The following RIBC2 variants were observed in gnomAD, a reference collection of about 807,000 sequenced individuals.
RIBC2 encodes the protein RIB43A-like with coiled-coils protein 2.
Under a neutral mutation model 44.3 loss-of-function variants are expected in RIBC2, and 40 were observed. That is an observed-to-expected ratio of 0.90 (90% CI 0.70 to 1.18). RIBC2 has a LOEUF of 1.18. Among genes scored for constraint, RIBC2 ranks in the 50% most tolerant of loss-of-function variants. The probability of loss-of-function intolerance (pLI) is 0.00; values close to 1 mark genes in which losing one functional copy is unlikely to be tolerated. For synonymous variants in RIBC2, 171 were observed against 175.0 expected (o/e 0.98, Z 0.18); for missense variants, 459 against 485.5 (o/e 0.95, Z 0.51).
At chr22:45,415,504 G>A (rs910880573) in intron 2 of RIBC2, among the ~76,000 whole-genome samples, 13 of 151,638 alleles carry the variant, frequency 8.6e-5, no homozygotes, top group Non-Finnish European at 2.9e-5. Flanking sequence ...CAATGTGACA[G>A]GTACATATGT....
In RIBC2 at chr22:45,426,037, C is replaced by T. The variant is rs142579982; in HGVS notation, c.765C>T (p.Asp255=). 5.1e-3 allele frequency: 8,257 copies of T among 1,614,012 alleles called. 31 individuals carry two copies. The highest frequency in any genetic ancestry group is 7.4e-3 in the Middle Eastern group (45 of 6,062). ...AGATCACCAACCTCCTGCGTGGGGACCTGCTCTCCGAGAACCCGCAGCAGG... is the reference window on the plus strand; with the variant it reads ...AGATCACCAACCTCCTGCGTGGGGATCTGCTCTCCGAGAACCCGCAGCAGG... ...LAEITNLLRG[D]LLSENPQQAA... The change falls in exon 5 of 7, where the codon GAC becomes GAT. Residue 255 remains aspartate (D), a synonymous_variant. Transcript: ENST00000614167.
At chr22:45,421,592 A>G (rs62226843) in intron 3 of RIBC2, among the ~76,000 whole-genome samples, 4,190 of 34,896 alleles carry the variant, frequency 0.12, 216 homozygotes, top group African/African-American at 0.42. Context: ...AATAATAATA[A>G]TAGTATTATT....
intron 3 of RIBC2, among the ~76,000 whole-genome samples, chr22:45,421,691 G>C (rs1025312502): frequency 6.6e-6 from 1 of 151,578 alleles, no homozygotes; most frequent in Non-Finnish European, 1.5e-5. Context: ...TAATAGTTGA[G>C]GTTAACAGAG....
chr22:45,422,373 G>A lies in RIBC2; in HGVS notation c.640G>A (p.Val214Ile), dbSNP rs766784115. 6.2e-6 allele frequency: 10 copies of A among 1,614,118 alleles called. No individual in the cohort carries two copies. The highest frequency in any genetic ancestry group is 8.5e-6 in the Non-Finnish European group (10 of 1,179,992). Residue 214 changes from valine to isoleucine, a missense_variant, in exon 4 of 7, where the codon GTT becomes ATT. By Grantham distance (29) the Val-to-Ile change is conservative. Transcript: ENST00000614167. Reference protein sequence around the residue: ...QKLESTTRKAVCASVKDFNKS... With the variant: ...QKLESTTRKAICASVKDFNKS... ...GCTGGAAAGCACCACCAGAAAGGCA[G>A]TTTGTGCATCTGTGAAAGACTTCAA...
At chr22:45,414,771 G>T (rs2087403658) in intron 2 of RIBC2, among the ~76,000 whole-genome samples, 1 of 152,080 alleles carries the variant, frequency 6.6e-6, no homozygotes, top group Non-Finnish European at 1.5e-5. Flanking sequence ...TTCGAATGTG[G>T]ATTATAAGAA....
chr22:45,414,098 A>C (rs1193680498), intron 1 of RIBC2, 83 bp downstream of exon 1: 3 of 1,516,278 alleles, frequency 2.0e-6, no homozygotes, highest in Non-Finnish European at 2.7e-6. Context: ...GATGAGTTCT[A>C]GGATGAAACA....
intron 5 of RIBC2, 84 bp from the exon 6 acceptor site, chr22:45,430,816 T>A: frequency 7.0e-7 from 1 of 1,420,976 alleles, no homozygotes; most frequent in Non-Finnish European, 9.3e-7. Context: ...ATCTGTAGAA[T>A]GAGAGGCCAG....
At chr22:45,426,208 A>C in intron 5 of RIBC2, 33 bp downstream of exon 5, 1 of 1,572,740 alleles carries the variant, frequency 6.4e-7, no homozygotes, top group Non-Finnish European at 8.7e-7. Context: ...CAGAGCCCAT[A>C]GAGCCAGGCT....
chr22:45,431,105 G>GGTGGAGGGACCGC, intron 6 of RIBC2, 39 bp downstream of exon 6: 1 of 1,554,178 alleles, frequency 6.4e-7, no homozygotes, highest in Non-Finnish European at 8.7e-7. Context: ...TGGGGGACCG[G>GGTGGAGGGACCGC]GTGGAGGGAC....
intron 4 of RIBC2, among the ~76,000 whole-genome samples, chr22:45,422,722 C>T (rs561727575): frequency 1.3e-5 from 2 of 152,276 alleles, no homozygotes; most frequent in Non-Finnish European, 2.9e-5. Context: ...AGACTGTTAC[C>T]GCCTAGCTCT....
chr22:45,421,970 TG>T (rs1483189824), intron 3 of RIBC2, among the ~76,000 whole-genome samples: 2 of 152,144 alleles, frequency 1.3e-5, no homozygotes, highest in Non-Finnish European at 2.9e-5. Flanking sequence ...CCACTTCTTT[TG>T]TCCTGCAGGT....
chr22:45,419,242 T>C (rs183735998), intron 3 of RIBC2, among the ~76,000 whole-genome samples: 6 of 152,326 alleles, frequency 3.9e-5, no homozygotes, highest in Admixed American at 3.9e-4. Context: ...CTCTTGGATG[T>C]CTAATGCACT....
intron 5 of RIBC2, among the ~76,000 whole-genome samples, chr22:45,426,949 G>A (rs1032746699): frequency 2.0e-5 from 3 of 151,992 alleles, no homozygotes; most frequent in African/African-American, 4.8e-5. Context: ...AGTTAAAGGC[G>A]ACTCTAGGTC....
Position 45,423,704 on chromosome 22 carries a change from G to A in RIBC2, c.675+1296G>A, listed in dbSNP as rs201443883. Among the ~76,000 whole-genome samples, 40 of 152,222 alleles carry A rather than the reference G, an allele frequency of 2.6e-4. No individual in the cohort carries two copies. In the East Asian group the frequency reaches 7.8e-3, roughly 30 times the overall value. ...AGGAATGAGGAGAGCCAACTGCGGG[G>A]GCTGGGGAGGACCAAAAGGCAAAGC... On this transcript the variant is annotated intron_variant, in intron 4 of 6. Transcript: ENST00000614167.
At position 45,413,924 on chromosome 22, in the gene RIBC2, AC is replaced by A; in HGVS notation, c.39del (p.Leu14CysfsTer28). On this transcript the variant is annotated frameshift_variant, in exon 1 of 7. Transcript: ENST00000614167. LOFTEE classifies it high-confidence loss of function. ...ACCATGGCGGTGGCGCTGCCCAGGG[AC>A]TTGCGGCAGGACGCCAACCTGGCAA... Reference protein sequence around the residue: ...SQTMAVALPRDLRQDANLAKR... With the variant: ...SQTMAVALPRXLRQDANLAKR... 1 of 1,551,636 alleles carries A rather than the reference AC, an allele frequency of 6.4e-7. No individual in the cohort carries two copies. Among genetic ancestry groups the A allele is most frequent in the Non-Finnish European group, 8.7e-7 (1 of 1,146,956 alleles).
chr22:45,414,363 G>T lies in RIBC2; in HGVS notation c.171G>T (p.Lys57Asn). Residue 57 changes from lysine to asparagine, a missense_variant, in exon 2 of 7, where the codon AAG (lysine) becomes AAT (asparagine). Transcript: ENST00000614167. ...GGGATGTTCAAGTTCATGACCAGAA[G>T]ATAAAAGAAGCTACTGAAAAAGCTA... ...EAWDVQVHDQ[K>N]IKEATEKARH... 1 of 1,550,984 alleles carries T rather than the reference G, an allele frequency of 6.4e-7. No individual in the cohort carries two copies. The highest frequency in any genetic ancestry group is 8.7e-7 in the Non-Finnish European group (1 of 1,146,778).
chr22:45,432,166 T>C, intron 6 of RIBC2, 118 bp from the exon 7 acceptor site: 1 of 598,350 alleles, frequency 1.7e-6, no homozygotes, highest in South Asian at 2.4e-5. Context: ...AAACGTATTC[T>C]GTATTTTGGG....
At chr22:45,426,995 T>G (rs2087540553) in intron 5 of RIBC2, among the ~76,000 whole-genome samples, 1 of 152,072 alleles carries the variant, frequency 6.6e-6, no homozygotes, top group African/African-American at 2.4e-5. Flanking sequence ...GGAATTGGCA[T>G]TTCCAGAGAT....
chr22:45,422,634 A>G lies in RIBC2; in HGVS notation c.675+226A>G, dbSNP rs2087497913. 21 of 536,154 alleles carry G rather than the reference A, an allele frequency of 3.9e-5. 1 individual carries two copies. The South Asian group carries it at 4.2e-4, about 11-fold the overall frequency. The allele number at this position is 536,154 out of a possible 1,614,324, so 33.2% of individuals were successfully genotyped here. On this transcript the variant is annotated intron_variant, in intron 4 of 6. Coordinates refer to ENST00000614167, the MANE Select transcript of RIBC2 (RefSeq NM_015653.5). ...TGGAGGGAAACCTGCCAAACTAGCC[A>G]TGTAACCTGGGGAAGTCAGCTCACC...
Sources: allele counts gnomAD v4.1 joint callset (sites outside exome capture counted in the v4.1 genomes callset), GRCh38; gene constraint gnomAD v4.1.1; transcripts MANE v1.5; gene names NCBI Gene and HGNC (gene_info 2026-07-23, HGNC 2026-07-21).